MFSD11: variants seen among roughly 807,000 people sequenced by gnomAD.
MFSD11 encodes UNC93-like protein MFSD11.
Under a neutral mutation model 53.5 loss-of-function variants are expected in MFSD11, and 36 were observed. The ratio of observed to expected loss-of-function variants is 0.67; its 90% CI spans 0.52 to 0.89. The LOEUF (loss-of-function observed/expected upper bound fraction) is 0.89, where lower values mean the gene tolerates loss of function less well. MFSD11 is among the 40% of genes least tolerant of loss of function. MFSD11 has a pLI of 0.00. For synonymous variants in MFSD11, 186 were observed against 184.9 expected, an observed-to-expected ratio of 1.01 and a Z score of -0.05; for missense variants, 530 against 543.9, an observed-to-expected ratio of 0.97 and a Z score of 0.25.
chr17:76,774,720 G>C (rs763698750), intron 10 of MFSD11, among the ~76,000 whole-genome samples: 1 of 152,178 alleles, frequency 6.6e-6, no homozygotes, highest in South Asian at 2.1e-4. Context: ...TAAGCTACAG[G>C]TCAAAGGGGA....
chr17:76,768,682 G>T (rs943020380), intron 9 of MFSD11, among the ~76,000 whole-genome samples: 8 of 152,012 alleles, frequency 5.3e-5, no homozygotes, highest in Admixed American at 5.2e-4. Flanking sequence ...TTCCATTACA[G>T]TAAGAATATA....
chr17:76,803,000 AC>A, the MFSD11 span, among the ~76,000 whole-genome samples: 1 of 151,988 alleles, frequency 6.6e-6, no homozygotes, highest in Non-Finnish European at 1.5e-5. Flanking sequence ...TACTAAAAAT[AC>A]AAAAAATTAG....
Position 76,778,423 on chromosome 17 carries a change from G to A in MFSD11, c.*71G>A, listed in dbSNP as rs1057200198. 7.4e-6 allele frequency: 11 copies of A among 1,481,198 alleles called. No individual in the cohort carries two copies. The highest frequency in any genetic ancestry group is 1.8e-5 in the Admixed American group (1 of 56,192). 91.8% of individuals were successfully genotyped at this position (1,481,198 alleles called of 1,614,324 possible). A position where few individuals can be genotyped will look rare whatever the true frequency, so the allele number is the denominator to read the frequency against. ...GACACAGAGCTTGGTGGAAGAAGTC[G>A]CCTTTGATCTTCACTATATATTGGG... is the stretch of plus-strand genomic sequence containing the variant. On this transcript the variant is annotated 3_prime_UTR_variant, in exon 13 of 13. Coordinates refer to ENST00000685175, the MANE Select transcript of MFSD11 (RefSeq NM_001242532.5).
At chr17:76,779,736 C>T (rs759336285), downstream of MFSD11, among the ~76,000 whole-genome samples, 1 of 152,172 alleles carries the variant, frequency 6.6e-6, no homozygotes, top group African/African-American at 2.4e-5. Context: ...TCACCTGCCT[C>T]GGCCTCCCAA....
At chr17:76,779,980 G>A (rs2082117568), downstream of MFSD11, among the ~76,000 whole-genome samples, 1 of 152,144 alleles carries the variant, frequency 6.6e-6, no homozygotes, top group African/African-American at 2.4e-5. Context: ...TGTCCTCCTC[G>A]AGCAGTGCAA....
intron 8 of MFSD11, among the ~76,000 whole-genome samples, chr17:76,760,869 T>C (rs1366182893): frequency 6.6e-6 from 1 of 152,066 alleles, no homozygotes; most frequent in Non-Finnish European, 1.5e-5. Context: ...TAAAACATAA[T>C]TCTCAATATT....
In MFSD11 at chr17:76,741,004, C is replaced by T. The variant is rs1045888865; in HGVS notation, c.200C>T (p.Pro67Leu). 16 of 1,612,764 alleles carry T rather than the reference C, an allele frequency of 9.9e-6. No individual in the cohort carries two copies. Among genetic ancestry groups the T allele is most frequent in the African/African-American group, 6.7e-5 (5 of 74,592 alleles). Residue 67 changes from proline (P) to leucine (L), a missense_variant, in exon 3 of 13, where the codon CCG (proline) becomes CTG (leucine). Physicochemically the swap from Pro to Leu is moderately conservative, Grantham distance 98 (BLOSUM62 -3). Coordinates refer to ENST00000685175, the MANE Select transcript of MFSD11 (RefSeq NM_001242532.5). ...GVFSASNLIT[P>L]SVVAIVGPQL... The stretch of plus-strand genomic sequence containing the variant: ...TTCTCTGCTTCAAATTTGATTACAC[C>T]GTCAGTGGTTGCCATTGTAGGACCT...
At chr17:76,748,360 G>A (rs2078740730) in intron 7 of MFSD11, among the ~76,000 whole-genome samples, 1 of 152,146 alleles carries the variant, frequency 6.6e-6, no homozygotes, top group Middle Eastern at 3.2e-3. Flanking sequence ...AGGCCTCACA[G>A]AAAAAGATTT....
chr17:76,801,771 C>T, the MFSD11 span, among the ~76,000 whole-genome samples: 3 of 152,056 alleles, frequency 2.0e-5, no homozygotes, highest in East Asian at 5.8e-4. Context: ...TACCATCTTG[C>T]TTTTGGTGGG....
chr17:76,778,365 G>A lies in MFSD11; in HGVS notation c.*13G>A. On this transcript the variant is annotated 3_prime_UTR_variant, in exon 13 of 13. Transcript: ENST00000685175. ...CCGAAGTATCTGATCTGGTGTCCGT[G>A]AGGGGACACGTATGACCTCAGAAAC... The A allele has an allele frequency of 1.2e-6, 2 of 1,613,672 alleles. No individual in the cohort carries two copies. Among genetic ancestry groups the A allele is most frequent in the Non-Finnish European group, 8.5e-7 (1 of 1,179,632 alleles).
chr17:76,761,936 A>T (rs972194707), intron 8 of MFSD11, among the ~76,000 whole-genome samples: 1 of 151,942 alleles, frequency 6.6e-6, no homozygotes, highest in Non-Finnish European at 1.5e-5. Flanking sequence ...AAAAAAAAAA[A>T]TTCATATACC....
chr17:76,803,181 A>G, the MFSD11 span, among the ~76,000 whole-genome samples: 1 of 151,046 alleles, frequency 6.6e-6, no homozygotes, highest in African/African-American at 2.5e-5. Flanking sequence ...AAAACAAAAC[A>G]AACAAAAAAA....
chr17:76,742,726 G>A (rs1003580670), intron 5 of MFSD11, among the ~76,000 whole-genome samples: 2 of 151,966 alleles, frequency 1.3e-5, no homozygotes, highest in Non-Finnish European at 2.9e-5. Context: ...GGCTGGTCTC[G>A]AACTCCTGAC....
chr17:76,742,846 C>T (rs775969508), intron 5 of MFSD11, among the ~76,000 whole-genome samples: 1 of 152,108 alleles, frequency 6.6e-6, no homozygotes, highest in South Asian at 2.1e-4. Flanking sequence ...CTATTCTGCT[C>T]TTGACTGTTG....
intron 7 of MFSD11, among the ~76,000 whole-genome samples, chr17:76,747,535 A>G (rs933180591): frequency 5.3e-5 from 8 of 150,386 alleles, no homozygotes; most frequent in African/African-American, 1.5e-4. Flanking sequence ...GGGCTTCACT[A>G]TGTTGGGCAG....
chr17:76,745,230 C>G (rs899339124), intron 7 of MFSD11, among the ~76,000 whole-genome samples: 1 of 152,148 alleles, frequency 6.6e-6, no homozygotes, highest in Non-Finnish European at 1.5e-5. Context: ...ATTGAGCATC[C>G]CATGCTGACT....
chr17:76,762,621 A>ACT (rs1277397935), intron 8 of MFSD11, among the ~76,000 whole-genome samples: 1 of 138,676 alleles, frequency 7.2e-6, no homozygotes, highest in African/African-American at 2.7e-5. Context: ...GCGCCACTGC[A>ACT]CTCCAGCCTG....
rs779196328 is a variant in MFSD11, at chr17:76,773,796, C to T, written c.875-1201C>T. ...CTAATTTTTGTATTTTTAGTAGAGA[C>T]AGGGTTTCACCATGTTGGTCAGGAT... On this transcript the variant is annotated intron_variant, in intron 10 of 12. Transcript: ENST00000685175. Among the ~76,000 whole-genome samples, 26 of 152,192 alleles carry T rather than the reference C, an allele frequency of 1.7e-4. 1 individual carries two copies. The highest frequency in any genetic ancestry group is 1.5e-3 in the Admixed American group (23 of 15,272).
At chr17:76,770,871 C>A (rs1003168413) in intron 10 of MFSD11, among the ~76,000 whole-genome samples, 3 of 152,162 alleles carry the variant, frequency 2.0e-5, no homozygotes, top group Non-Finnish European at 2.9e-5. Flanking sequence ...CTCCTCCAAC[C>A]CTGTTTAGGG....
Sources: gnomAD v4.1 joint callset for allele counts (sites outside exome capture counted in the v4.1 genomes callset) on GRCh38, gnomAD v4.1.1 for gene constraint, MANE v1.5 for transcripts, NCBI Gene and HGNC (gene_info 2026-07-23, HGNC 2026-07-21) for gene names.